The following SGCZ variants were observed in gnomAD, a reference collection of about 807,000 sequenced individuals.
SGCZ encodes the protein zeta-sarcoglycan.
A neutral mutation model predicts 41.3 loss-of-function variants in SGCZ; 40 were observed. The ratio of observed to expected loss-of-function variants is 0.97; its 90% CI spans 0.75 to 1.26. The LOEUF (loss-of-function observed/expected upper bound fraction) is 1.26. SGCZ is among the 50% of genes most tolerant of loss of function. The probability of loss-of-function intolerance (pLI) is 0.00; values close to 1 mark genes in which losing one functional copy is unlikely to be tolerated. For missense variants in SGCZ, 552 were observed against 369.8 expected (o/e 1.49, Z -4.04); for synonymous variants, 206 against 137.5 (o/e 1.50, Z -3.49).
intron 5 of SGCZ, among the ~76,000 whole-genome samples, chr8:14,112,058 C>T (rs1219438369): frequency 6.6e-6 from 1 of 152,006 alleles, no homozygotes; most frequent in Admixed American, 6.6e-5. Context: ...AGTCACTGGT[C>T]CCAGAAGAAG....
At chr8:14,782,672 A>G (rs1677626868) in intron 1 of SGCZ, among the ~76,000 whole-genome samples, 1 of 139,624 alleles carries the variant, frequency 7.2e-6, no homozygotes, top group South Asian at 2.4e-4. Context: ...TGAATTATTG[A>G]GATGGTTATA....
intron 2 of SGCZ, among the ~76,000 whole-genome samples, chr8:14,356,680 G>T (rs1389083969): frequency 6.6e-6 from 1 of 151,788 alleles, no homozygotes; most frequent in Non-Finnish European, 1.5e-5. Flanking sequence ...GCATAATTTT[G>T]AACATTTGAT....
chr8:14,324,450 G>A (rs1802026992), intron 2 of SGCZ, among the ~76,000 whole-genome samples: 1 of 152,072 alleles, frequency 6.6e-6, no homozygotes, highest in Non-Finnish European at 1.5e-5. Context: ...CCAGGGACTA[G>A]GATTTGCCCA....
At chr8:15,066,326 A>G (rs914548217) in intron 1 of SGCZ, among the ~76,000 whole-genome samples, 1 of 151,802 alleles carries the variant, frequency 6.6e-6, no homozygotes, top group Non-Finnish European at 1.5e-5. Flanking sequence ...AAAAAAAAAA[A>G]AAAAAAAAGA....
At chr8:14,588,659 TAGGA>T (rs1343650236) in intron 1 of SGCZ, among the ~76,000 whole-genome samples, 3 of 152,012 alleles carry the variant, frequency 2.0e-5, no homozygotes, top group Non-Finnish European at 4.4e-5. Flanking sequence ...ATAAAAACGT[TAGGA>T]AGGGAGGAGG....
At chr8:14,876,600 G>A (rs1010743158) in intron 1 of SGCZ, among the ~76,000 whole-genome samples, 11 of 152,226 alleles carry the variant, frequency 7.2e-5, no homozygotes, top group Admixed American at 4.6e-4. Context: ...ATATCTCGCC[G>A]TAAAGCTCTA....
intron 1 of SGCZ, among the ~76,000 whole-genome samples, chr8:14,839,399 T>G (rs146923740): frequency 1.3e-5 from 2 of 152,290 alleles, no homozygotes; most frequent in Non-Finnish European, 2.9e-5. Flanking sequence ...CATGTTAAGA[T>G]GTCTATTAGA....
intron 2 of SGCZ, among the ~76,000 whole-genome samples, chr8:14,516,614 G>C (rs751466102): frequency 6.6e-6 from 1 of 151,952 alleles, no homozygotes; most frequent in Non-Finnish European, 1.5e-5. Context: ...GTGAATCTAG[G>C]TATCAGGAAA....
At chr8:14,231,241 G>C (rs1013196307) in intron 4 of SGCZ, among the ~76,000 whole-genome samples, 11 of 151,180 alleles carry the variant, frequency 7.3e-5, no homozygotes, top group Admixed American at 1.3e-4. Context: ...CAGAGAGAGA[G>C]AGAGAGAGAC....
chr8:14,564,353 G>C (rs777326105), intron 1 of SGCZ, among the ~76,000 whole-genome samples: 6 of 152,088 alleles, frequency 3.9e-5, no homozygotes, highest in Non-Finnish European at 7.3e-5. Context: ...TCAGTCATCT[G>C]TTGTTTATTC....
chr8:14,931,230 G>C (rs923189618), intron 1 of SGCZ, among the ~76,000 whole-genome samples: 1 of 151,612 alleles, frequency 6.6e-6, no homozygotes, highest in African/African-American at 2.4e-5. Flanking sequence ...TCAGAACTAA[G>C]GGGTAAAAAA....
chr8:14,207,542 T>G (rs1049542594), intron 4 of SGCZ, among the ~76,000 whole-genome samples: 106 of 152,334 alleles, frequency 7.0e-4, no homozygotes, highest in African/African-American at 2.5e-3. Flanking sequence ...TTTCTATATT[T>G]AAAGCTTAAA....
At chr8:14,156,541 ATAT>A (rs1391178938) in intron 5 of SGCZ, among the ~76,000 whole-genome samples, 2 of 152,172 alleles carry the variant, frequency 1.3e-5, no homozygotes, top group Non-Finnish European at 2.9e-5. Context: ...TAACATTTTA[ATAT>A]TATGTAATTT....
chr8:15,065,461 TTG>T, intron 1 of SGCZ, among the ~76,000 whole-genome samples: 1 of 120,528 alleles, frequency 8.3e-6, no homozygotes, highest in African/African-American at 2.9e-5. Context: ...TATTATTATT[TTG>T]AGTCAAGGTC....
rs574189744 is a variant in SGCZ, at chr8:15,031,184, G to C, written c.39+206401C>G. Among the ~76,000 whole-genome samples the C allele has an allele frequency of 5.3e-5, 8 of 152,144 alleles. No individual in the cohort carries two copies. In the South Asian group the frequency reaches 1.7e-3, roughly 32 times the overall value. On this transcript the variant is annotated intron_variant, in intron 1 of 7. Transcript: ENST00000382080. ...ATGCTATGGCACTTTTATTCTTAGTGCATAATGTTATTAATTTTAAAAAAT... is the reference window on the plus strand; with the variant it reads ...ATGCTATGGCACTTTTATTCTTAGTCCATAATGTTATTAATTTTAAAAAAT...
intron 2 of SGCZ, among the ~76,000 whole-genome samples, chr8:14,383,415 G>A (rs370599597): frequency 6.6e-6 from 1 of 152,122 alleles, no homozygotes; most frequent in Admixed American, 6.6e-5. Flanking sequence ...GTCCCAATTT[G>A]CCCTGTATAT....
At chr8:14,366,890 A>G (rs553686733) in intron 2 of SGCZ, among the ~76,000 whole-genome samples, 2 of 152,284 alleles carry the variant, frequency 1.3e-5, no homozygotes, top group East Asian at 3.9e-4. Flanking sequence ...AGGGGCTGTC[A>G]TGAGGTCTGT....
intron 1 of SGCZ, among the ~76,000 whole-genome samples, chr8:14,727,820 G>C (rs1316193243): frequency 6.6e-6 from 1 of 151,932 alleles, no homozygotes; most frequent in East Asian, 1.9e-4. Context: ...GTTCTTTTTA[G>C]CTTCATAATC....
chr8:15,173,843 G>C (rs928129253), intron 1 of SGCZ, among the ~76,000 whole-genome samples: 100 of 152,208 alleles, frequency 6.6e-4, no homozygotes, highest in African/African-American at 2.3e-3. Context: ...GGGCTCAAGT[G>C]ATCCTCCTGC....
Sources: gnomAD v4.1 joint callset for allele counts (sites outside exome capture counted in the v4.1 genomes callset) on GRCh38, gnomAD v4.1.1 for gene constraint, MANE v1.5 for transcripts, NCBI Gene and HGNC (gene_info 2026-07-23, HGNC 2026-07-21) for gene names.